Variants in LYPLAL1 observed in about 807,000 individuals in gnomAD.
The protein encoded by LYPLAL1 is lysophospholipase-like protein 1.
LYPLAL1 carries 23 observed loss-of-function variants against 19.7 expected under a neutral mutation model. The observed-to-expected ratio is 1.17, with a 90% confidence interval of 0.84 to 1.65. The LOEUF (loss-of-function observed/expected upper bound fraction) is 1.65. Ranked by LOEUF, LYPLAL1 falls within the 40% of genes most tolerant of loss-of-function variation. LYPLAL1 has a pLI of 0.00. For missense variants in LYPLAL1, 355 were observed against 279.4 expected (o/e 1.27, Z -1.93); for synonymous variants, 119 against 96.3 (o/e 1.24, Z -1.38).
chr1:219,190,634 A>AAC (rs202186742), intron 2 of LYPLAL1, among the ~76,000 whole-genome samples: 1,570 of 150,324 alleles, frequency 0.01, 51 homozygotes, highest in African/African-American at 0.036. Flanking sequence ...AAAAAAAAAA[A>AAC]AAAAAAAACC....
chr1:219,374,302 T>C, the LYPLAL1 span, among the ~76,000 whole-genome samples: 1 of 152,108 alleles, frequency 6.6e-6, no homozygotes, highest in Non-Finnish European at 1.5e-5. Flanking sequence ...CAAACAAGCA[T>C]TATTAACCAT....
the LYPLAL1 span, among the ~76,000 whole-genome samples, chr1:219,263,644 G>T: frequency 6.6e-6 from 1 of 152,144 alleles, no homozygotes; most frequent in Non-Finnish European, 1.5e-5. Flanking sequence ...AAGGACCCCT[G>T]TGAGATAGAG....
intron 1 of LYPLAL1, 48 bp from the exon 2 acceptor site, chr1:219,179,099 T>C (rs772974742): frequency 7.5e-7 from 1 of 1,324,600 alleles, no homozygotes; most frequent in Admixed American, 2.0e-5. Flanking sequence ...TTGAAATGCA[T>C]TGTATTACTA....
the LYPLAL1 span, among the ~76,000 whole-genome samples, chr1:219,344,598 A>C: frequency 6.6e-6 from 1 of 151,968 alleles, no homozygotes; most frequent in African/African-American, 2.4e-5. Flanking sequence ...CCAAATTATC[A>C]TTGTCTCTTG....
the LYPLAL1 span, among the ~76,000 whole-genome samples, chr1:219,366,260 C>A: frequency 6.6e-6 from 1 of 152,044 alleles, no homozygotes; most frequent in Non-Finnish European, 1.5e-5. Flanking sequence ...CCAATATGCA[C>A]TGAATTTTAA....
the LYPLAL1 span, among the ~76,000 whole-genome samples, chr1:219,439,998 T>C: frequency 0.053 from 3,882 of 73,606 alleles, 86 homozygotes; most frequent in East Asian, 0.08. Context: ...TATACACACA[T>C]ATATATATAT....
the LYPLAL1 span, chr1:219,272,436 T>C: frequency 6.6e-6 from 1 of 152,312 alleles, no homozygotes; most frequent in African/African-American, 2.4e-5. Context: ...ACCACAGGGA[T>C]GACAGGTTCT....
the LYPLAL1 span, among the ~76,000 whole-genome samples, chr1:219,250,938 GC>G: frequency 1.3e-5 from 2 of 151,894 alleles, no homozygotes; most frequent in African/African-American, 4.8e-5. Context: ...TATAAGTGTT[GC>G]CTTTTCTCTG....
the LYPLAL1 span, among the ~76,000 whole-genome samples, chr1:219,391,882 C>T: frequency 6.6e-6 from 1 of 152,326 alleles, no homozygotes; most frequent in South Asian, 2.1e-4. Context: ...TTAACTTCTG[C>T]ACCTCTTTCC....
the LYPLAL1 span, among the ~76,000 whole-genome samples, chr1:219,254,275 T>G: frequency 6.6e-6 from 1 of 152,070 alleles, no homozygotes; most frequent in Non-Finnish European, 1.5e-5. Flanking sequence ...TTATTCCCTT[T>G]GCATTCAAGG....
chr1:219,216,812 A>G (rs912893461), downstream of LYPLAL1, among the ~76,000 whole-genome samples: 3 of 151,702 alleles, frequency 2.0e-5, no homozygotes, highest in East Asian at 3.9e-4. Flanking sequence ...CCAGGCTGCA[A>G]TCTGAAAACT....
the LYPLAL1 span, among the ~76,000 whole-genome samples, chr1:219,379,572 T>C: frequency 6.6e-6 from 1 of 152,212 alleles, no homozygotes; most frequent in Admixed American, 6.5e-5. Context: ...AGGAAATGTC[T>C]CATCAAAGTC....
chr1:219,231,354 A>C, the LYPLAL1 span, among the ~76,000 whole-genome samples: 1 of 152,218 alleles, frequency 6.6e-6, no homozygotes, highest in Non-Finnish European at 1.5e-5. Flanking sequence ...ATGCAAGAAC[A>C]TGAAGATGTC....
chr1:219,270,264 G>A, the LYPLAL1 span, among the ~76,000 whole-genome samples: 1 of 152,246 alleles, frequency 6.6e-6, no homozygotes, highest in African/African-American at 2.4e-5. Context: ...ACAGAGTGAA[G>A]TTCAGAGTGG....
the LYPLAL1 span, among the ~76,000 whole-genome samples, chr1:219,259,082 A>G: frequency 1.3e-5 from 2 of 152,000 alleles, no homozygotes; most frequent in South Asian, 2.1e-4. Context: ...TTACTCCTGC[A>G]AAAATGGCCA....
At chr1:219,206,818 C>T (rs1007220817) in intron 3 of LYPLAL1, among the ~76,000 whole-genome samples, 13 of 151,280 alleles carry the variant, frequency 8.6e-5, no homozygotes, top group Admixed American at 3.3e-4. Context: ...TTTGTCACTT[C>T]ATATGTAAAA....
the LYPLAL1 span, among the ~76,000 whole-genome samples, chr1:219,402,513 TA>T: frequency 2.0e-5 from 3 of 152,008 alleles, no homozygotes; most frequent in Non-Finnish European, 4.4e-5. Flanking sequence ...TCATAAACAA[TA>T]AAGTCAATCA....
chr1:219,432,798 A>T, the LYPLAL1 span, among the ~76,000 whole-genome samples: 1 of 152,236 alleles, frequency 6.6e-6, no homozygotes, highest in Non-Finnish European at 1.5e-5. Flanking sequence ...TCAAATGATT[A>T]ATCAAATCCC....
At chr1:219,184,772 C>A (rs1274386270) in intron 2 of LYPLAL1, among the ~76,000 whole-genome samples, 1 of 151,836 alleles carries the variant, frequency 6.6e-6, no homozygotes, top group Non-Finnish European at 1.5e-5. Context: ...ACCTTACATT[C>A]CTGGGATAAA....
Sources: gnomAD v4.1 joint callset for allele counts (sites outside exome capture counted in the v4.1 genomes callset) on GRCh38, gnomAD v4.1.1 for gene constraint, MANE v1.5 for transcripts, NCBI Gene and HGNC (gene_info 2026-07-23, HGNC 2026-07-21) for gene names.